NPLOC4: variants seen among roughly 807,000 people sequenced by gnomAD.
The protein encoded by NPLOC4 is nuclear protein localization protein 4 homolog.
In NPLOC4, 18 loss-of-function variants were observed where a neutral mutation model predicts 80.6. The ratio of observed to expected loss-of-function variants is 0.22; its 90% CI spans 0.15 to 0.33. NPLOC4 has a LOEUF of 0.33. Among genes scored for constraint, NPLOC4 ranks in the 10% least tolerant of loss-of-function variants. NPLOC4 has a pLI of 1.00. For missense variants in NPLOC4, 540 were observed against 786.1 expected (o/e 0.69, Z 3.74); for synonymous variants, 313 against 301.5 (o/e 1.04, Z -0.39).
At chr17:81,609,125 C>G (rs1028926654) in intron 5 of NPLOC4, among the ~76,000 whole-genome samples, 3 of 152,194 alleles carry the variant, frequency 2.0e-5, no homozygotes, top group Non-Finnish European at 2.9e-5. Flanking sequence ...GTTCAAGCAA[C>G]TCTTCTGCCT....
Position 81,585,170 on chromosome 17 carries a change from CAAAAAAA to C in NPLOC4, c.1281+3767_1281+3773del, listed in dbSNP as rs35473939. Among the ~76,000 whole-genome samples the C allele has an allele frequency of 5.2e-3, 212 of 40,838 alleles. 2 individuals are homozygous for C. Among genetic ancestry groups the C allele is most frequent in the African/African-American group, 0.026 (199 of 7,588 alleles). 26.8% of individuals were successfully genotyped at this position (40,838 alleles called of 152,430 possible). A position where few individuals can be genotyped will look rare whatever the true frequency, so the allele number is the denominator to read the frequency against. On this transcript the variant is annotated intron_variant, in intron 12 of 16. Transcript: ENST00000331134. ...GGGCGACAGAACGAGACTCTGTCGC[CAAAAAAA>C]AAAAAAAAAAAAAAAAAAGAGTATG...
At chr17:81,623,787 G>T (rs575461661) in intron 2 of NPLOC4, among the ~76,000 whole-genome samples, 1 of 136,564 alleles carries the variant, frequency 7.3e-6, no homozygotes, top group Admixed American at 7.7e-5. Flanking sequence ...GACAGAGCGA[G>T]ACTCCGTCTC....
intron 11 of NPLOC4, among the ~76,000 whole-genome samples, chr17:81,591,447 G>GAAAAAGAAAA (rs2034737824): frequency 1.3e-5 from 1 of 76,326 alleles, no homozygotes. Flanking sequence ...GAGTAAAACA[G>GAAAAAGAAAA]AAAAAAAAAA....
Position 81,614,674 on chromosome 17 carries a change from G to C in NPLOC4, c.210-1180C>G, listed in dbSNP as rs552555046. On this transcript the variant is annotated intron_variant, in intron 3 of 16. Coordinates refer to ENST00000331134, the MANE Select transcript of NPLOC4 (RefSeq NM_017921.4). ...TCAGTCTGAAGTGTGTTCTTCCCTT[G>C]GTCAGAGTCACGCTGCCAACTTGGT... 3.3e-5 allele frequency among the ~76,000 whole-genome samples: 5 copies of C among 151,640 alleles called. No homozygotes were observed. In the South Asian group the frequency reaches 1.0e-3, roughly 32 times the overall value.
At chr17:81,616,867 G>C (rs2035507864) in intron 3 of NPLOC4, among the ~76,000 whole-genome samples, 1 of 152,168 alleles carries the variant, frequency 6.6e-6, no homozygotes, top group African/African-American at 2.4e-5. Flanking sequence ...GATATTAAAT[G>C]AACAATGGAA....
intron 11 of NPLOC4, among the ~76,000 whole-genome samples, chr17:81,592,054 G>A (rs952298263): frequency 2.6e-5 from 4 of 152,174 alleles, no homozygotes; most frequent in South Asian, 4.1e-4. Context: ...CCTCATGCCA[G>A]AGAATACCTG....
intron 3 of NPLOC4, among the ~76,000 whole-genome samples, chr17:81,621,720 G>A (rs1388063382): frequency 6.6e-6 from 1 of 152,200 alleles, no homozygotes; most frequent in Non-Finnish European, 1.5e-5. Context: ...TAGCCAGGCT[G>A]TGACAAGAGG....
At chr17:81,629,694 T>A (rs988925379) in intron 2 of NPLOC4, 31 bp downstream of exon 2, 1 of 1,504,904 alleles carries the variant, frequency 6.6e-7, no homozygotes, top group Non-Finnish European at 9.2e-7. Flanking sequence ...ATGAAAAATA[T>A]CCTGAGGGTC....
Position 81,613,596 on chromosome 17 carries a change from T to C in NPLOC4, c.210-102A>G, listed in dbSNP as rs186079950. On this transcript the variant is annotated intron_variant, in intron 3 of 16. Transcript: ENST00000331134. The stretch of plus-strand genomic sequence containing the variant: ...AAAAAGCAAATGCCAACCACCCCTG[T>C]AGGCCTAAACAATGAGGTTTCTAAC... 11 of 1,037,698 alleles carry C rather than the reference T, an allele frequency of 1.1e-5. No individual in the cohort carries two copies. The African/African-American group carries it at 1.6e-4, about 15-fold the overall frequency. 64.3% of individuals were successfully genotyped at this position (1,037,698 alleles called of 1,614,324 possible).
At chr17:81,561,141 T>C (rs536612598) in intron 16 of NPLOC4, among the ~76,000 whole-genome samples, 30 of 152,242 alleles carry the variant, frequency 2.0e-4, no homozygotes, top group Admixed American at 1.3e-3. Flanking sequence ...TTATTTTTAG[T>C]AGAGATGGGT....
chr17:81,619,752 A>C (rs1277663260), intron 3 of NPLOC4, among the ~76,000 whole-genome samples: 1 of 146,690 alleles, frequency 6.8e-6, no homozygotes, highest in Non-Finnish European at 1.5e-5. Flanking sequence ...GGTGGTGGGC[A>C]CCTGTAATCC....
intron 16 of NPLOC4, chr17:81,561,835 G>A (rs2033860434): frequency 6.6e-6 from 1 of 152,142 alleles, no homozygotes; most frequent in African/African-American, 2.4e-5. Context: ...CTGGGCTACA[G>A]TGTCCTCCAG....
intron 11 of NPLOC4, among the ~76,000 whole-genome samples, chr17:81,592,151 C>T (rs1049888373): frequency 4.5e-4 from 69 of 152,200 alleles, no homozygotes; most frequent in African/African-American, 1.6e-3. Context: ...TGAGTGCTGT[C>T]GGCAGGGGCG....
At chr17:81,568,905 A>G in intron 14 of NPLOC4, 111 bp downstream of exon 14, 1 of 755,818 alleles carries the variant, frequency 1.3e-6, no homozygotes, top group Non-Finnish European at 2.2e-6. Flanking sequence ...GCCTGTCACA[A>G]GAATGAATCG....
At chr17:81,628,084 C>T (rs538957307) in intron 2 of NPLOC4, among the ~76,000 whole-genome samples, 7 of 143,104 alleles carry the variant, frequency 4.9e-5, no homozygotes, top group African/African-American at 1.0e-4. Context: ...TGGTGGTGGG[C>T]GCCTGTAGTC....
chr17:81,605,824 C>CTTTTTTTTTTTTTTTTTTTTTT (rs766106515), intron 7 of NPLOC4, among the ~76,000 whole-genome samples: 1 of 141,076 alleles, frequency 7.1e-6, no homozygotes, highest in Non-Finnish European at 1.5e-5. Flanking sequence ...AACACATTTT[C>CTTTTTTTTTTTTTTTTTTTTTT]TTTTTTTTTT....
intron 1 of NPLOC4, among the ~76,000 whole-genome samples, chr17:81,636,693 G>A (rs1178283061): frequency 6.6e-6 from 1 of 152,180 alleles, no homozygotes; most frequent in African/African-American, 2.4e-5. Context: ...CCCAGGGCGG[G>A]GAACCGGGGT....
chr17:81,589,189 C>T, intron 11 of NPLOC4, 85 bp from the exon 12 acceptor site: 1 of 1,200,930 alleles, frequency 8.3e-7, no homozygotes, highest in Non-Finnish European at 1.2e-6. Context: ...CTCTGATCAA[C>T]AGAAAAAACA....
At position 81,577,660 on chromosome 17, in the gene NPLOC4, T is replaced by C. The variant is rs2034337338; in HGVS notation, c.1282-5572A>G. Among the ~76,000 whole-genome samples, 1 of 152,166 alleles carries C rather than the reference T, an allele frequency of 6.6e-6. No homozygotes were observed. The highest frequency in any genetic ancestry group is 1.5e-5 in the Non-Finnish European group (1 of 68,026). On this transcript the variant is annotated intron_variant, in intron 12 of 16. Transcript: ENST00000331134. This position sits in a 1 kb window ranked among gnomAD's most constrained non-coding sequence, Gnocchi z 4.3. Reference sequence around the variant, plus strand: ...AGACCTGAGTCCTGGCAACCGTCTGTCCTGCTCCATCTTCAAACTCTGCGT... The same window carrying C: ...AGACCTGAGTCCTGGCAACCGTCTGCCCTGCTCCATCTTCAAACTCTGCGT...
Sources: gnomAD v4.1 joint callset for allele counts (sites outside exome capture counted in the v4.1 genomes callset) on GRCh38, gnomAD v4.1.1 for gene constraint, Gnocchi (gnomAD v3.1) non-coding constraint, MANE v1.5 for transcripts, NCBI Gene and HGNC (gene_info 2026-07-23, HGNC 2026-07-21) for gene names.